MAGI3: variants seen among roughly 807,000 people sequenced by gnomAD.
The protein encoded by MAGI3 is membrane associated guanylate kinase, WW and PDZ domain containing 3, also known as membrane-associated guanylate kinase, WW and PDZ domain-containing protein 3.
In MAGI3, 43 loss-of-function variants were observed where a neutral mutation model predicts 121.8. The ratio of observed to expected loss-of-function variants is 0.35; its 90% confidence interval spans 0.28 to 0.46. The LOEUF is 0.46. Ranked by LOEUF, MAGI3 falls within the 20% of genes least tolerant of loss-of-function variation. The probability of loss-of-function intolerance (pLI) is 1.00; values close to 1 mark genes in which losing one functional copy is unlikely to be tolerated. For missense variants in MAGI3, 1,547 were observed against 1,797.3 expected, an observed-to-expected ratio of 0.86 and a Z score of 2.52; for synonymous variants, 553 against 639.3, an observed-to-expected ratio of 0.86 and a Z score of 2.04.
At chr1:113,394,642 T>C (rs1254471698) in intron 1 of MAGI3, among the ~76,000 whole-genome samples, 4 of 152,180 alleles carry the variant, frequency 2.6e-5, no homozygotes, top group Non-Finnish European at 5.9e-5. Context: ...GTTTTATGCT[T>C]CTTCATACAC....
At chr1:113,395,036 T>C (rs75219173) in intron 1 of MAGI3, among the ~76,000 whole-genome samples, 3,446 of 149,824 alleles carry the variant, frequency 0.023, 129 homozygotes, top group African/African-American at 0.079. Context: ...ATTTATGTTA[T>C]TCAAATAAAA....
At chr1:113,623,802 A>AT (rs200634009) in intron 9 of MAGI3, among the ~76,000 whole-genome samples, 6,001 of 151,826 alleles carry the variant, frequency 0.04, 167 homozygotes, top group Non-Finnish European at 0.056. Context: ...CTAGCTATAT[A>AT]TTTTTTATAT....
chr1:113,644,886 A>G lies in MAGI3; in HGVS notation c.1998+1112A>G, dbSNP rs555471803. ...GCTCCTTTGGAGTCTTTTATCTCAA[A>G]ATCAAAAGATGGCCTTCCATAACCA... On this transcript the variant is annotated intron_variant, in intron 11 of 20. Coordinates refer to ENST00000307546, the MANE Select transcript of MAGI3 (RefSeq NM_001142782.2). Among the ~76,000 whole-genome samples, 23 of 152,312 alleles carry G rather than the reference A, an allele frequency of 1.5e-4. No individual in the cohort carries two copies. In the South Asian group the frequency reaches 4.8e-3, roughly 32 times the overall value.
chr1:113,651,056 G>C lies in MAGI3; in HGVS notation c.2290G>C (p.Asp764His). Residue 764 changes from aspartate (D) to histidine (H), a missense_variant, in exon 14 of 21, where the codon GAT (aspartate) becomes CAT (histidine). Coordinates refer to ENST00000307546, the MANE Select transcript of MAGI3 (RefSeq NM_001142782.2). ...TATTCCCCTGGGAGCAGCTGAGAAAGATGGTCGGCTCCGCGCAGCTGATGA... is the reference window on the plus strand; with the variant it reads ...TATTCCCCTGGGAGCAGCTGAGAAACATGGTCGGCTCCGCGCAGCTGATGA... ...AIIPLGAAEK[D>H]GRLRAADELM... The C allele has an allele frequency of 6.2e-7, 1 of 1,614,160 alleles. No individual in the cohort carries two copies. Among genetic ancestry groups the C allele is most frequent in the Non-Finnish European group, 8.5e-7 (1 of 1,180,010 alleles).
chr1:113,651,119 TCA>T lies in MAGI3; in HGVS notation c.2358_2359del (p.His786GlnfsTer65). On this transcript the variant is annotated frameshift_variant, in exon 14 of 21. Transcript: ENST00000307546. LOFTEE classifies it high-confidence loss of function. ...TGATGGAATTCCTGTTAAAGGGAAA[TCA>T]CACAAACAAGTCTTGGACCTCATGA... Reference protein sequence around the residue: ...CIDGIPVKGKSHKQVLDLMTT... With the variant: ...CIDGIPVKGKXHKQVLDLMTT... 6.2e-7 allele frequency: 1 copy of T among 1,614,140 alleles called. No homozygotes were observed. The highest frequency in any genetic ancestry group is 8.5e-7 in the Non-Finnish European group (1 of 1,180,016).
In MAGI3 at chr1:113,641,992, C is replaced by T; in HGVS notation, c.1442C>T (p.Pro481Leu). 1.2e-6 allele frequency: 2 copies of T among 1,614,062 alleles called. No individual in the cohort carries two copies. The highest frequency in any genetic ancestry group is 1.7e-6 in the Non-Finnish European group (2 of 1,179,964). Reference protein sequence around the residue: ...ADVVQMFQLVPVNQYVNLTLC... With the variant: ...ADVVQMFQLVLVNQYVNLTLC... The stretch of plus-strand genomic sequence containing the variant: ...GTTGTCCAGATGTTTCAATTGGTAC[C>T]TGTCAATCAGTATGTAAACCTCACT... Residue 481 changes from proline (P) to leucine (L), a missense_variant, in exon 10 of 21, where the codon CCT becomes CTT. Transcript: ENST00000307546.
At chr1:113,626,394 T>C (rs890710849) in intron 9 of MAGI3, among the ~76,000 whole-genome samples, 1 of 152,236 alleles carries the variant, frequency 6.6e-6, no homozygotes, top group Non-Finnish European at 1.5e-5. Flanking sequence ...TTTACATCAG[T>C]ACTTATCAGA....
chr1:113,461,204 G>T (rs1655015255), intron 1 of MAGI3, among the ~76,000 whole-genome samples: 1 of 152,094 alleles, frequency 6.6e-6, no homozygotes, highest in Non-Finnish European at 1.5e-5. Flanking sequence ...ACTACCAACA[G>T]CATTATTCAC....
At chr1:113,670,528 T>C (rs895087846) in intron 16 of MAGI3, among the ~76,000 whole-genome samples, 2 of 152,220 alleles carry the variant, frequency 1.3e-5, no homozygotes, top group African/African-American at 4.8e-5. Flanking sequence ...CATGTTTTTC[T>C]AACTTAAAGT....
chr1:113,637,864 C>G (rs911486627), intron 9 of MAGI3, among the ~76,000 whole-genome samples: 8 of 152,240 alleles, frequency 5.3e-5, no homozygotes, highest in African/African-American at 1.7e-4. Flanking sequence ...CTTTCAGGTA[C>G]ACCAATCAGA....
At position 113,642,175 on chromosome 1, in the gene MAGI3, G is replaced by A; in HGVS notation, c.1625G>A (p.Gly542Glu). The A allele has an allele frequency of 6.2e-7, 1 of 1,614,148 alleles. No homozygotes were observed. The highest frequency in any genetic ancestry group is 8.5e-7 in the Non-Finnish European group (1 of 1,180,034). The change falls in exon 10 of 21, where the codon GGA becomes GAA. Residue 542 changes from glycine (G) to glutamate (E), a missense_variant. By Grantham distance (98) the Gly-to-Glu change is moderately conservative. Transcript: ENST00000307546. The part of the protein sequence containing the change: ...KPGAMVLEQN[G>E]KSGHTLTGDG... ...GGAGCAATGGTTCTGGAGCAGAATG[G>A]AAAATCGGGACACACTTTGACTGGT...
intron 1 of MAGI3, among the ~76,000 whole-genome samples, chr1:113,438,388 A>T (rs1292342052): frequency 6.6e-6 from 1 of 152,156 alleles, no homozygotes; most frequent in Non-Finnish European, 1.5e-5. Context: ...CTACCCATAA[A>T]TTTAATGCCT....
At chr1:113,651,573 A>T (rs1217490693) in intron 14 of MAGI3, among the ~76,000 whole-genome samples, 1 of 151,896 alleles carries the variant, frequency 6.6e-6, no homozygotes, top group African/African-American at 2.4e-5. Context: ...GCTCACTGCA[A>T]CCTCCACCTC....
At chr1:113,436,115 T>A (rs1409254050) in intron 1 of MAGI3, among the ~76,000 whole-genome samples, 1 of 152,136 alleles carries the variant, frequency 6.6e-6, no homozygotes, top group Non-Finnish European at 1.5e-5. Context: ...TGAATAATTG[T>A]TAGAATTATA....
At chr1:113,421,347 A>T (rs374973703) in intron 1 of MAGI3, among the ~76,000 whole-genome samples, 1 of 152,242 alleles carries the variant, frequency 6.6e-6, no homozygotes, top group South Asian at 2.1e-4. Context: ...CCATTTGAGG[A>T]TATGACCAGA....
chr1:113,654,367 C>T (rs895347777), intron 15 of MAGI3, among the ~76,000 whole-genome samples: 4 of 152,072 alleles, frequency 2.6e-5, no homozygotes, highest in African/African-American at 9.6e-5. Flanking sequence ...TAGGATAAAT[C>T]GTGTATGTAG....
chr1:113,532,050 A>G (rs1377160326), intron 1 of MAGI3, among the ~76,000 whole-genome samples: 4 of 152,196 alleles, frequency 2.6e-5, no homozygotes, highest in Admixed American at 6.5e-5. Context: ...ATAATATACC[A>G]TAATACAATA....
intron 1 of MAGI3, among the ~76,000 whole-genome samples, chr1:113,396,223 G>T (rs1381198638): frequency 2.0e-5 from 3 of 151,508 alleles, no homozygotes; most frequent in Admixed American, 6.6e-5. Flanking sequence ...TGTTGAAAGA[G>T]AATCTTGTTT....
intron 2 of MAGI3, among the ~76,000 whole-genome samples, chr1:113,559,680 G>T (rs1660143567): frequency 6.6e-6 from 1 of 151,980 alleles, no homozygotes; most frequent in African/African-American, 2.4e-5. Flanking sequence ...CAATTCTCCT[G>T]CTTCAGCCTC....
Sources: allele counts gnomAD v4.1 joint callset (sites outside exome capture counted in the v4.1 genomes callset), GRCh38; gene constraint gnomAD v4.1.1; transcripts MANE v1.5; gene names NCBI Gene and HGNC (gene_info 2026-07-23, HGNC 2026-07-21).